The following DACH1 variants were observed in gnomAD, a reference collection of about 807,000 sequenced individuals.
The protein encoded by DACH1 is dachshund family transcription factor 1, also known as dachshund homolog 1.
Under a neutral mutation model 54.2 loss-of-function variants are expected in DACH1, and 12 were observed. The ratio of observed to expected loss-of-function variants is 0.22; its 90% confidence interval spans 0.14 to 0.36. The LOEUF (loss-of-function observed/expected upper bound fraction) is 0.36. Ranked by LOEUF, DACH1 falls within the 10% of genes least tolerant of loss-of-function variation. DACH1 has a pLI of 1.00. For missense variants in DACH1, 805 were observed against 929.8 expected (o/e 0.87, Z 1.75); for synonymous variants, 386 against 366.2 (o/e 1.05, Z -0.62).
chr13:71,556,751 G>A, intron 6 of DACH1, among the ~76,000 whole-genome samples: 1 of 151,822 alleles, frequency 6.6e-6, no homozygotes, highest in South Asian at 2.1e-4. Flanking sequence ...GACCCTTTAG[G>A]AACTGAGAGA....
intron 1 of DACH1, among the ~76,000 whole-genome samples, chr13:71,837,288 C>T (rs542361791): frequency 6.6e-6 from 1 of 151,960 alleles, no homozygotes; most frequent in East Asian, 1.9e-4. Context: ...TTGGGTAGAC[C>T]TACTATGAAA....
chr13:71,548,035 C>T (rs946344504), intron 6 of DACH1, among the ~76,000 whole-genome samples: 1 of 152,122 alleles, frequency 6.6e-6, no homozygotes, highest in South Asian at 2.1e-4. Flanking sequence ...TACGTGTGCA[C>T]ACGTGAGGTT....
chr13:71,728,197 A>C (rs1883561893), intron 1 of DACH1, among the ~76,000 whole-genome samples: 1 of 152,078 alleles, frequency 6.6e-6, no homozygotes, highest in African/African-American at 2.4e-5. Flanking sequence ...TCAGTATAAA[A>C]AGAAAGCATT....
chr13:71,528,796 AGT>A (rs375823190), intron 6 of DACH1, among the ~76,000 whole-genome samples: 19 of 152,240 alleles, frequency 1.2e-4, no homozygotes, highest in Non-Finnish European at 2.5e-4. Flanking sequence ...CCACCTTGCA[AGT>A]CATTTGAAGA....
intron 1 of DACH1, among the ~76,000 whole-genome samples, chr13:71,821,035 C>A (rs946309317): frequency 6.6e-6 from 1 of 152,148 alleles, no homozygotes; most frequent in African/African-American, 2.4e-5. Flanking sequence ...GTGGTTGCAG[C>A]ATGAGAAAGC....
At chr13:71,725,281 A>G (rs1883419326) in intron 1 of DACH1, among the ~76,000 whole-genome samples, 1 of 152,140 alleles carries the variant, frequency 6.6e-6, no homozygotes, top group South Asian at 2.1e-4. Context: ...AAATGAACCT[A>G]CGGATTCAGC....
At chr13:71,816,040 G>A (rs943609982) in intron 1 of DACH1, among the ~76,000 whole-genome samples, 22 of 151,800 alleles carry the variant, frequency 1.4e-4, no homozygotes, top group Admixed American at 1.1e-3. Flanking sequence ...AGCCGAGATC[G>A]CGCCACTGCA....
At chr13:71,613,460 C>G (rs188067674) in intron 3 of DACH1, among the ~76,000 whole-genome samples, 3 of 151,994 alleles carry the variant, frequency 2.0e-5, no homozygotes, top group African/African-American at 7.3e-5. Context: ...GAATTTATGC[C>G]TCATAATCAT....
At chr13:71,630,018 A>T (rs1174371085) in intron 3 of DACH1, among the ~76,000 whole-genome samples, 1 of 152,144 alleles carries the variant, frequency 6.6e-6, no homozygotes, top group Non-Finnish European at 1.5e-5. Flanking sequence ...AAAGAAAAAA[A>T]ATCAAGAAAA....
At chr13:71,704,416 G>C (rs1333935376) in intron 1 of DACH1, 1 of 390,196 alleles carries the variant, frequency 2.6e-6, no homozygotes, top group Non-Finnish European at 4.9e-6. Flanking sequence ...ACAAGTTAAG[G>C]GCAAGCTTCT....
At chr13:71,742,592 T>C (rs1462468275) in intron 1 of DACH1, among the ~76,000 whole-genome samples, 3 of 152,114 alleles carry the variant, frequency 2.0e-5, no homozygotes, top group Non-Finnish European at 4.4e-5. Flanking sequence ...CTCTGCAAAA[T>C]AGAAGTGTCA....
At chr13:71,545,452 A>G (rs919938152) in intron 6 of DACH1, among the ~76,000 whole-genome samples, 1 of 151,910 alleles carries the variant, frequency 6.6e-6, no homozygotes, top group Non-Finnish European at 1.5e-5. Context: ...TTCATGCTTC[A>G]TTAGTAACCT....
intron 1 of DACH1, among the ~76,000 whole-genome samples, chr13:71,789,564 C>G (rs930486012): frequency 4.1e-5 from 6 of 144,902 alleles, no homozygotes; most frequent in Admixed American, 2.7e-4. Flanking sequence ...TCACTATCAC[C>G]TTTTTCTATA....
At chr13:71,635,082 G>T (rs1372183071) in intron 2 of DACH1, among the ~76,000 whole-genome samples, 1 of 152,144 alleles carries the variant, frequency 6.6e-6, no homozygotes, top group Non-Finnish European at 1.5e-5. Flanking sequence ...GGCACATATT[G>T]TCACTGAATG....
intron 4 of DACH1, among the ~76,000 whole-genome samples, chr13:71,572,541 T>C (rs756793856): frequency 3.0e-4 from 46 of 152,088 alleles, no homozygotes; most frequent in Non-Finnish European, 5.3e-4. Flanking sequence ...TAAATGCTCA[T>C]AACACCACAC....
chr13:71,754,078 G>A (rs770399282), intron 1 of DACH1, among the ~76,000 whole-genome samples: 6 of 152,106 alleles, frequency 3.9e-5, no homozygotes, highest in Non-Finnish European at 5.9e-5. Context: ...ATCCACTGGA[G>A]TATTACTTTT....
chr13:71,687,395 AG>A (rs1881229879), intron 1 of DACH1, among the ~76,000 whole-genome samples: 1 of 152,166 alleles, frequency 6.6e-6, no homozygotes, highest in South Asian at 2.1e-4. Flanking sequence ...AACATGAAAA[AG>A]TAAGATACAA....
rs1361318570 is a variant in DACH1, at chr13:71,572,981, G to A, written c.1158C>T (p.His386=). 3.1e-6 allele frequency: 5 copies of A among 1,614,038 alleles called. No individual in the cohort carries two copies. The highest frequency in any genetic ancestry group is 4.2e-6 in the Non-Finnish European group (5 of 1,179,970). Residue 386 remains histidine, a synonymous_variant, in exon 4 of 11, where the codon CAC becomes CAT. Transcript: ENST00000613252. Reference sequence around the variant, plus strand: ...GAGGTAGGCTGACAGGAATTAGAGGGTGGGGCATCATCATAAAAGGAAGTT... The same window carrying A: ...GAGGTAGGCTGACAGGAATTAGAGGATGGGGCATCATCATAAAAGGAAGTT... The part of the protein sequence containing the change: ...GLELPFMMMP[H]PLIPVSLPPA...
chr13:71,863,672 G>C (rs1322656862), intron 1 of DACH1, among the ~76,000 whole-genome samples: 2 of 151,936 alleles, frequency 1.3e-5, no homozygotes, highest in African/African-American at 4.8e-5. Flanking sequence ...CAACCACATG[G>C]TGAGGACTTC....
Sources: gnomAD v4.1 joint callset for allele counts (sites outside exome capture counted in the v4.1 genomes callset) on GRCh38, gnomAD v4.1.1 for gene constraint, MANE v1.5 for transcripts, NCBI Gene and HGNC (gene_info 2026-07-23, HGNC 2026-07-21) for gene names.